The following ROBO2 variants were observed in gnomAD, a reference collection of about 807,000 sequenced individuals.
The protein encoded by ROBO2 is roundabout homolog 2.
ROBO2 carries 53 observed loss-of-function variants against 160.8 expected under a neutral mutation model. The ratio of observed to expected loss-of-function variants is 0.33; its 90% CI spans 0.26 to 0.41. The LOEUF is 0.41. ROBO2 is among the 10% of genes least tolerant of loss of function. The pLI, the probability that ROBO2 is intolerant of heterozygous loss-of-function variation, is 1.00. For missense variants in ROBO2, 1,577 were observed against 1,722.4 expected (o/e 0.92, Z 1.49); for synonymous variants, 664 against 611.7 (o/e 1.09, Z -1.26).
intron 2 of ROBO2, among the ~76,000 whole-genome samples, chr3:75,939,905 G>A (rs948462909): frequency 2.0e-5 from 3 of 151,794 alleles, no homozygotes; most frequent in African/African-American, 7.3e-5. Context: ...TATAAATAAG[G>A]TTTTCTCTCT....
chr3:77,356,328 TGAGA>T (rs150964943), intron 2 of ROBO2, among the ~76,000 whole-genome samples: 4,347 of 150,902 alleles, frequency 0.029, 227 homozygotes, highest in African/African-American at 0.099. Flanking sequence ...TATGTGTGCA[TGAGA>T]GAGAGAGAGG....
At chr3:76,206,706 A>G (rs986837170) in intron 2 of ROBO2, among the ~76,000 whole-genome samples, 6 of 152,270 alleles carry the variant, frequency 3.9e-5, no homozygotes, top group Admixed American at 2.0e-4. Flanking sequence ...GGCATTCACT[A>G]TCTGTTTCAT....
intron 2 of ROBO2, among the ~76,000 whole-genome samples, chr3:77,291,278 AC>A (rs1238943468): frequency 6.6e-6 from 1 of 152,076 alleles, no homozygotes; most frequent in Non-Finnish European, 1.5e-5. Flanking sequence ...AGGCTAGATC[AC>A]CCCAGACATA....
chr3:76,545,757 T>A (rs1192800064), intron 2 of ROBO2, among the ~76,000 whole-genome samples: 1 of 151,946 alleles, frequency 6.6e-6, no homozygotes, highest in East Asian at 1.9e-4. Flanking sequence ...TTATACTTTG[T>A]CAAAAAGTGT....
At chr3:77,291,991 T>C (rs1337834464) in intron 2 of ROBO2, among the ~76,000 whole-genome samples, 2 of 148,370 alleles carry the variant, frequency 1.3e-5, no homozygotes, top group Non-Finnish European at 3.0e-5. Flanking sequence ...AAATTGATGG[T>C]TAAACGGGTA....
chr3:76,520,894 G>A (rs1402644046), intron 2 of ROBO2, among the ~76,000 whole-genome samples: 2 of 152,086 alleles, frequency 1.3e-5, no homozygotes, highest in East Asian at 1.9e-4. Flanking sequence ...TATCTGGACT[G>A]TACGGTCTCT....
At chr3:77,494,310 C>A (rs1187562298) in intron 5 of ROBO2, among the ~76,000 whole-genome samples, 2 of 152,038 alleles carry the variant, frequency 1.3e-5, no homozygotes, top group Non-Finnish European at 2.9e-5. Context: ...GGCACGATGG[C>A]TGACTCCTGT....
chr3:77,298,360 C>T (rs2062341772), intron 2 of ROBO2, among the ~76,000 whole-genome samples: 1 of 152,134 alleles, frequency 6.6e-6, no homozygotes, highest in Admixed American at 6.6e-5. Context: ...CATGAAGTTT[C>T]ATAGCTGGAA....
At chr3:77,635,579 A>G (rs187417829) in intron 24 of ROBO2, among the ~76,000 whole-genome samples, 1 of 152,344 alleles carries the variant, frequency 6.6e-6, no homozygotes, top group Admixed American at 6.5e-5. Context: ...TCAATGACAG[A>G]CTGCATATAA....
At position 77,426,606 on chromosome 3, in the gene ROBO2, GTC is replaced by G. The variant is rs941697756; in HGVS notation, c.389-50806_389-50805del. Among the ~76,000 whole-genome samples, 17 of 131,066 alleles carry G rather than the reference GTC, an allele frequency of 1.3e-4. 1 individual carries two copies. Among genetic ancestry groups the G allele is most frequent in the Admixed American group, 3.8e-4 (5 of 13,186 alleles). 86.0% of individuals were successfully genotyped at this position (131,066 alleles called of 152,430 possible). A position where few individuals can be genotyped will look rare whatever the true frequency, so the allele number is the denominator to read the frequency against. ...CCTACACACACATACATATGTGTGT[GTC>G]TGTGTGTGTGTGTGTGTGTGTGTGT... On this transcript the variant is annotated intron_variant, in intron 2 of 25. Coordinates refer to ENST00000461745, the Ensembl canonical transcript of ROBO2.
intron 2 of ROBO2, among the ~76,000 whole-genome samples, chr3:76,532,733 C>A (rs1206421140): frequency 2.6e-5 from 4 of 152,120 alleles, no homozygotes; most frequent in African/African-American, 9.7e-5. Context: ...AGGCTCTGTG[C>A]TCCCATAAAA....
At chr3:76,762,898 C>A (rs1252641203) in intron 2 of ROBO2, among the ~76,000 whole-genome samples, 2 of 151,616 alleles carry the variant, frequency 1.3e-5, no homozygotes, top group Non-Finnish European at 3.0e-5. Context: ...TAACATTTCC[C>A]CAACCTCTTT....
chr3:77,540,239 C>T (rs2092394875), intron 6 of ROBO2, among the ~76,000 whole-genome samples: 1 of 152,116 alleles, frequency 6.6e-6, no homozygotes, highest in Admixed American at 6.5e-5. Context: ...TAAAAACAAT[C>T]ATTCAGAAGA....
At chr3:76,161,902 T>A (rs2072653811) in intron 2 of ROBO2, among the ~76,000 whole-genome samples, 1 of 152,172 alleles carries the variant, frequency 6.6e-6, no homozygotes, top group Non-Finnish European at 1.5e-5. Flanking sequence ...TTGAGCATGT[T>A]AAATGAAAGG....
chr3:76,492,237 T>C (rs1414086102), intron 2 of ROBO2, among the ~76,000 whole-genome samples: 1 of 152,242 alleles, frequency 6.6e-6, no homozygotes, highest in African/African-American at 2.4e-5. Context: ...ATTAGGCTTT[T>C]AAAATTACCT....
intron 2 of ROBO2, among the ~76,000 whole-genome samples, chr3:76,049,120 G>A (rs959726852): frequency 3.3e-5 from 5 of 152,038 alleles, no homozygotes; most frequent in Admixed American, 2.6e-4. Flanking sequence ...AAGAGTTTTG[G>A]CAACTTCTTA....
At chr3:77,627,237 A>C (rs1039776293) in intron 23 of ROBO2, among the ~76,000 whole-genome samples, 2 of 152,078 alleles carry the variant, frequency 1.3e-5, no homozygotes, top group African/African-American at 4.8e-5. Flanking sequence ...GATATTTTTA[A>C]TTGCTTATTT....
chr3:76,218,847 A>G (rs1703750675), intron 2 of ROBO2, among the ~76,000 whole-genome samples: 1 of 152,338 alleles, frequency 6.6e-6, no homozygotes, highest in African/African-American at 2.4e-5. Flanking sequence ...AAGAGCCCAC[A>G]TCGCCAAGTC....
At chr3:77,512,011 C>T (rs910733071) in intron 5 of ROBO2, among the ~76,000 whole-genome samples, 3 of 151,944 alleles carry the variant, frequency 2.0e-5, no homozygotes, top group Non-Finnish European at 2.9e-5. Context: ...TCACCTCACC[C>T]AAACTGTGAA....
Sources: gnomAD v4.1 joint callset for allele counts (sites outside exome capture counted in the v4.1 genomes callset) on GRCh38, gnomAD v4.1.1 for gene constraint, MANE v1.5 for transcripts, NCBI Gene and HGNC (gene_info 2026-07-23, HGNC 2026-07-21) for gene names.